Variants in IL1RAPL2 observed in about 807,000 individuals in gnomAD.
IL1RAPL2 encodes interleukin 1 receptor accessory protein like 2.
Under a neutral mutation model 44.1 loss-of-function variants are expected in IL1RAPL2, and 3 were observed. That is an observed-to-expected ratio of 0.07 (90% CI 0.03 to 0.18). The LOEUF (loss-of-function observed/expected upper bound fraction) is 0.18, where lower values mean the gene tolerates loss of function less well. Ranked by LOEUF, IL1RAPL2 falls within the 10% of genes least tolerant of loss-of-function variation. IL1RAPL2 has a pLI of 1.00. For synonymous variants in IL1RAPL2, 181 were observed against 178.8 expected (o/e 1.01, Z -0.10); for missense variants, 391 against 496.4 (o/e 0.79, Z 2.02).
chrX:105,542,931 T>C (rs750412700), intron 6 of IL1RAPL2, among the ~76,000 whole-genome samples: 256 of 109,949 alleles, frequency 2.3e-3, no homozygotes, highest in Non-Finnish European at 3.7e-3. Context: ...AATCTAGGAA[T>C]TGGAGAAGTT....
chrX:105,767,288 T>C lies in IL1RAPL2; in HGVS notation c.1688T>C (p.Met563Thr). Reference protein sequence around the residue: ...VYEMPIKKKEMLPRCHVLDSA... With the variant: ...VYEMPIKKKETLPRCHVLDSA... ...GAAATGCCCATCAAGAAAAAAGAAA[T>C]GCTACCTCGGTGCCATGTTCTGGAC... Residue 563 changes from methionine (M) to threonine (T), a missense_variant, in exon 11 of 11, where the codon ATG becomes ACG. This residue lies in a region of IL1RAPL2 where 232 missense variants were observed against 244.8 expected (regional missense o/e 0.95). Coordinates refer to ENST00000372582, the MANE Select transcript of IL1RAPL2 (RefSeq NM_017416.2). 1 of 1,211,320 alleles carries C rather than the reference T, an allele frequency of 8.3e-7. No individual in the cohort carries two copies. The highest frequency in any genetic ancestry group is 1.7e-5 in the African/African-American group (1 of 57,774).
intron 6 of IL1RAPL2, among the ~76,000 whole-genome samples, chrX:105,508,560 T>G (rs1288952196): frequency 3.7e-5 from 4 of 108,513 alleles, no homozygotes; most frequent in South Asian, 4.0e-4. Flanking sequence ...GAAAAAAAAA[T>G]AGTCCTCAGG....
chrX:104,934,606 T>A (rs1277959141), intron 2 of IL1RAPL2, among the ~76,000 whole-genome samples: 1 of 111,329 alleles, frequency 9.0e-6, no homozygotes, highest in Non-Finnish European at 1.9e-5. Context: ...AGTTTAATAA[T>A]TTTAAGTATT....
At chrX:104,927,788 G>A (rs1444265772) in intron 2 of IL1RAPL2, among the ~76,000 whole-genome samples, 1 of 111,556 alleles carries the variant, frequency 9.0e-6, no homozygotes, top group African/African-American at 3.3e-5. Context: ...ATTTTGATCA[G>A]CCAGTGTATG....
At chrX:104,732,172 C>T (rs779689910) in intron 2 of IL1RAPL2, among the ~76,000 whole-genome samples, 60 of 111,580 alleles carry the variant, frequency 5.4e-4, no homozygotes, top group African/African-American at 1.9e-3. Context: ...GTTGAATTTT[C>T]AGTGTAGAAT....
intron 2 of IL1RAPL2, among the ~76,000 whole-genome samples, chrX:105,131,554 C>T (rs1179126135): frequency 9.3e-6 from 1 of 107,570 alleles, no homozygotes; most frequent in African/African-American, 3.4e-5. Context: ...TGCTCATAGG[C>T]CAATACAGAA....
intron 6 of IL1RAPL2, among the ~76,000 whole-genome samples, chrX:105,684,802 G>A (rs1462570599): frequency 2.2e-3 from 1 of 458 alleles, no homozygotes; most frequent in Non-Finnish European, 3.8e-3. Context: ...ACCTCATATA[G>A]GCAGCTGCCC....
At chrX:105,626,238 C>T (rs978008173) in intron 6 of IL1RAPL2, among the ~76,000 whole-genome samples, 1 of 111,686 alleles carries the variant, frequency 9.0e-6, no homozygotes, top group Non-Finnish European at 1.9e-5. Context: ...TTTTGAGGTG[C>T]ACACACATTT....
chrX:105,474,729 A>G, intron 5 of IL1RAPL2, among the ~76,000 whole-genome samples: 1 of 112,028 alleles, frequency 8.9e-6, no homozygotes, highest in Admixed American at 9.5e-5. Context: ...TAAAGGAGGT[A>G]TTCAGTCAAT....
At position 105,166,118 on chromosome X, in the gene IL1RAPL2, A is replaced by T. The variant is rs1300561576; in HGVS notation, c.83-29357A>T. 1.7e-4 allele frequency among the ~76,000 whole-genome samples: 19 copies of T among 111,410 alleles called. No homozygotes were observed. In the Admixed American group the frequency reaches 1.8e-3, roughly 11 times the overall value. Reference sequence around the variant, plus strand: ...TAAAAACTACTTGCAAGGATTAGATAAGTTAATACACGTAAAGTCCTTAGA... The same window carrying T: ...TAAAAACTACTTGCAAGGATTAGATTAGTTAATACACGTAAAGTCCTTAGA... On this transcript the variant is annotated intron_variant, in intron 2 of 10. Transcript: ENST00000372582.
intron 1 of IL1RAPL2, among the ~76,000 whole-genome samples, chrX:104,655,780 T>C (rs1256992449): frequency 2.7e-5 from 3 of 111,546 alleles, no homozygotes; most frequent in East Asian, 2.8e-4. Context: ...TGGTAGAATT[T>C]GGCTGTGAAT....
intron 1 of IL1RAPL2, among the ~76,000 whole-genome samples, chrX:104,591,302 C>A (rs754252784): frequency 9.0e-6 from 1 of 110,917 alleles, no homozygotes; most frequent in Admixed American, 9.6e-5. Context: ...TCCCCACTCC[C>A]CACTCCCATA....
At chrX:105,565,290 T>A (rs2036966778) in intron 6 of IL1RAPL2, among the ~76,000 whole-genome samples, 1 of 111,593 alleles carries the variant, frequency 9.0e-6, no homozygotes, top group Non-Finnish European at 1.9e-5. Flanking sequence ...TATAACCCAA[T>A]GTCTTTTGAA....
intron 1 of IL1RAPL2, among the ~76,000 whole-genome samples, chrX:104,623,618 C>A (rs1402065424): frequency 9.0e-6 from 1 of 111,049 alleles, no homozygotes; most frequent in Non-Finnish European, 1.9e-5. Context: ...GTTATCCCAG[C>A]CATTGAGGCC....
At chrX:105,639,653 T>G (rs2037550227) in intron 6 of IL1RAPL2, among the ~76,000 whole-genome samples, 3 of 111,644 alleles carry the variant, frequency 2.7e-5, no homozygotes, top group African/African-American at 9.8e-5. Context: ...CATTTACCTT[T>G]ACAGAAATAA....
At chrX:105,587,425 G>GT (rs1214573574) in intron 6 of IL1RAPL2, among the ~76,000 whole-genome samples, 1 of 110,445 alleles carries the variant, frequency 9.1e-6, no homozygotes, top group South Asian at 3.7e-4. Context: ...CCTTTTATTT[G>GT]TTTTTTCTGT....
intron 1 of IL1RAPL2, among the ~76,000 whole-genome samples, chrX:104,580,820 G>A (rs1928331072): frequency 8.9e-6 from 1 of 111,778 alleles, no homozygotes. Flanking sequence ...CATTTATAAA[G>A]GGAATGCCTC....
intron 10 of IL1RAPL2, among the ~76,000 whole-genome samples, chrX:105,758,842 G>C (rs1351153163): frequency 8.9e-6 from 1 of 112,366 alleles, no homozygotes; most frequent in East Asian, 2.8e-4. Flanking sequence ...CAGGCAACCA[G>C]AAGAAAGCCA....
At chrX:105,039,598 C>T (rs1416321121) in intron 2 of IL1RAPL2, among the ~76,000 whole-genome samples, 2 of 111,776 alleles carry the variant, frequency 1.8e-5, no homozygotes, top group Admixed American at 1.9e-4. Context: ...AGGTCCTTCA[C>T]GTCCCTTGTA....
Sources: allele counts gnomAD v4.1 joint callset (sites outside exome capture counted in the v4.1 genomes callset), GRCh38; gene constraint gnomAD v4.1.1; regional missense constraint gnomAD v4.1.1; transcripts MANE v1.5; gene names NCBI Gene and HGNC (gene_info 2026-07-23, HGNC 2026-07-21).